The following PLAC1 variants were observed in gnomAD, a reference collection of about 807,000 sequenced individuals.
PLAC1 encodes placenta-specific protein 1.
For missense variants in PLAC1, 136 were observed against 163.2 expected (o/e 0.83, Z 0.91); for synonymous variants, 68 against 62.1 (o/e 1.09, Z -0.44).
intron 1 of PLAC1, among the ~76,000 whole-genome samples, chrX:134,745,799 T>C (rs1181845068): frequency 9.0e-6 from 1 of 111,521 alleles, no homozygotes; most frequent in East Asian, 2.8e-4. Flanking sequence ...GCCCCCTTTA[T>C]GATTCTATAC....
intron 2 of PLAC1, among the ~76,000 whole-genome samples, chrX:134,588,538 C>T (rs916093621): frequency 7.3e-5 from 8 of 109,613 alleles, no homozygotes; most frequent in Non-Finnish European, 1.3e-4. Context: ...ACCGCATCTA[C>T]AGCTGGGGAG....
chrX:134,639,902 G>C (rs1276162785), intron 1 of PLAC1, among the ~76,000 whole-genome samples: 2 of 112,123 alleles, frequency 1.8e-5, no homozygotes, highest in Non-Finnish European at 3.8e-5. Flanking sequence ...ATATCAGTAA[G>C]TTCATTCCTT....
intron 2 of PLAC1, among the ~76,000 whole-genome samples, chrX:134,732,494 T>A (rs1296212176): frequency 1.8e-5 from 2 of 111,593 alleles, no homozygotes; most frequent in Admixed American, 1.9e-4. Flanking sequence ...AACAGTTTGT[T>A]CCCTGGGTTG....
chrX:134,658,155 T>C (rs2078401451), intron 1 of PLAC1, among the ~76,000 whole-genome samples, 173 bp downstream of exon 1: 1 of 112,357 alleles, frequency 8.9e-6, no homozygotes, highest in Non-Finnish European at 1.9e-5. Context: ...TGGAGGGCAA[T>C]AATTGCATGG....
At chrX:134,718,541 C>T (rs956149598) in intron 2 of PLAC1, among the ~76,000 whole-genome samples, 4 of 112,042 alleles carry the variant, frequency 3.6e-5, no homozygotes, top group South Asian at 7.4e-4. Flanking sequence ...AACAAGAACA[C>T]GTGGCTCAAG....
chrX:134,657,250 C>T (rs1214156045), intron 1 of PLAC1, among the ~76,000 whole-genome samples: 5 of 112,169 alleles, frequency 4.5e-5, no homozygotes, highest in African/African-American at 9.7e-5. Context: ...GGCTATGTCC[C>T]GATAAAACCA....
chrX:134,574,612 TAGTC>T (rs751010400), intron 2 of PLAC1, among the ~76,000 whole-genome samples: 1 of 112,285 alleles, frequency 8.9e-6, no homozygotes, highest in East Asian at 2.8e-4. Flanking sequence ...AATTAGCTCT[TAGTC>T]AGTGACTCCA....
intron 2 of PLAC1, among the ~76,000 whole-genome samples, chrX:134,712,118 G>A (rs994646650): frequency 1.8e-5 from 2 of 111,094 alleles, no homozygotes; most frequent in African/African-American, 6.6e-5. Flanking sequence ...CAGGGAAACA[G>A]TTCTAGTACC....
At chrX:134,613,873 C>T (rs1307121296) in intron 1 of PLAC1, among the ~76,000 whole-genome samples, 1 of 111,037 alleles carries the variant, frequency 9.0e-6, no homozygotes, top group Non-Finnish European at 1.9e-5. Context: ...TACCTCACAG[C>T]CCCTCACCGC....
At chrX:134,661,897 T>C (rs1375849252), upstream of PLAC1, among the ~76,000 whole-genome samples, 1 of 111,921 alleles carries the variant, frequency 8.9e-6, no homozygotes. Context: ...AATTCAGCCA[T>C]TATTAGAAAT....
chrX:134,741,719 A>T, intron 1 of PLAC1, among the ~76,000 whole-genome samples: 1 of 109,682 alleles, frequency 9.1e-6, no homozygotes, highest in Non-Finnish European at 1.9e-5. Context: ...AAAAAAAAAA[A>T]AAGAACACAC....
chrX:134,663,154 C>CATTTATG (rs1292979616), upstream of PLAC1, among the ~76,000 whole-genome samples: 1 of 112,217 alleles, frequency 8.9e-6, no homozygotes, highest in African/African-American at 3.2e-5. Flanking sequence ...GTAAAGAAGT[C>CATTTATG]ATTTATGTCA....
chrX:134,641,983 G>C (rs1234127200), intron 1 of PLAC1, among the ~76,000 whole-genome samples: 1 of 112,316 alleles, frequency 8.9e-6, no homozygotes, highest in African/African-American at 3.2e-5. Flanking sequence ...AGGAGTGGAA[G>C]TGGGGGTGAG....
At chrX:134,718,173 T>A (rs1448017946) in intron 2 of PLAC1, among the ~76,000 whole-genome samples, 1 of 111,568 alleles carries the variant, frequency 9.0e-6, no homozygotes, top group African/African-American at 3.3e-5. Flanking sequence ...TCCAATGACA[T>A]CACCTTGCAT....
intron 1 of PLAC1, among the ~76,000 whole-genome samples, chrX:134,740,711 G>A (rs1467546856): frequency 8.9e-6 from 1 of 111,920 alleles, no homozygotes; most frequent in East Asian, 2.8e-4. Context: ...TAAAGCCAAT[G>A]ACAAGTATCA....
intron 2 of PLAC1, among the ~76,000 whole-genome samples, chrX:134,720,680 T>C (rs1222846119): frequency 1.8e-5 from 2 of 112,416 alleles, no homozygotes; most frequent in Non-Finnish European, 3.8e-5. Context: ...TTGGACTATA[T>C]GAAAATGAAA....
chrX:134,611,786 G>A (rs1316799055), intron 1 of PLAC1, among the ~76,000 whole-genome samples: 1 of 110,750 alleles, frequency 9.0e-6, no homozygotes, highest in Non-Finnish European at 1.9e-5. Context: ...CGAGACACAA[G>A]GCAGGTGTAG....
At chrX:134,638,155 C>G (rs73566646) in intron 1 of PLAC1, among the ~76,000 whole-genome samples, 1,338 of 112,081 alleles carry the variant, frequency 0.012, 22 homozygotes, top group African/African-American at 0.04. Flanking sequence ...TGGCACGTAT[C>G]GTTTACTCTG....
chrX:134,622,788 T>C (rs2078217586), intron 1 of PLAC1, among the ~76,000 whole-genome samples: 2 of 112,077 alleles, frequency 1.8e-5, no homozygotes, highest in Admixed American at 9.4e-5. Flanking sequence ...ATCCTTAAAA[T>C]AGAGGTTTGG....
Sources: allele counts gnomAD v4.1 joint callset (sites outside exome capture counted in the v4.1 genomes callset), GRCh38; gene constraint gnomAD v4.1.1; transcripts MANE v1.5; gene names NCBI Gene and HGNC (gene_info 2026-07-23, HGNC 2026-07-21).